Variants in CBL observed in about 807,000 individuals in gnomAD.
CBL encodes the protein E3 ubiquitin-protein ligase CBL.
Under a neutral mutation model 96.9 loss-of-function variants are expected in CBL, and 45 were observed. The observed-to-expected ratio is 0.46, with a 90% confidence interval of 0.37 to 0.60. The LOEUF is 0.60. CBL is among the 20% of genes least tolerant of loss of function. The pLI is 0.00. For synonymous variants in CBL, 420 were observed against 426.8 expected (o/e 0.98, Z 0.20); for missense variants, 1,024 against 1,143.5 (o/e 0.90, Z 1.51).
intron 1 of CBL, among the ~76,000 whole-genome samples, chr11:119,209,535 C>A (rs918699425): frequency 6.6e-6 from 1 of 152,062 alleles, no homozygotes. Context: ...AGGAGAATCC[C>A]TTGAACCTGG....
chr11:119,212,459 C>G (rs1413236012), intron 1 of CBL, among the ~76,000 whole-genome samples: 1 of 150,604 alleles, frequency 6.6e-6, no homozygotes, highest in African/African-American at 2.4e-5. Context: ...AACCCTGTCT[C>G]TACTAAAAAT....
At chr11:119,207,158 A>G (rs1041918821) in intron 1 of CBL, among the ~76,000 whole-genome samples, 2 of 152,076 alleles carry the variant, frequency 1.3e-5, no homozygotes, top group Non-Finnish European at 2.9e-5. Flanking sequence ...TCTCATTAAG[A>G]TGTAACACGA....
chr11:119,228,840 C>T (rs1448758640), intron 1 of CBL, among the ~76,000 whole-genome samples: 1 of 148,474 alleles, frequency 6.7e-6, no homozygotes, highest in Non-Finnish European at 1.5e-5. Context: ...GACGTGGTTT[C>T]GCTCTTGTCC....
At chr11:119,284,349 A>G (rs1025365482) in intron 9 of CBL, among the ~76,000 whole-genome samples, 2 of 151,862 alleles carry the variant, frequency 1.3e-5, no homozygotes, top group African/African-American at 2.4e-5. Context: ...TCTGTTGCCC[A>G]GGCTGGAGTA....
intron 1 of CBL, among the ~76,000 whole-genome samples, chr11:119,223,154 G>A (rs1343635577): frequency 4.0e-5 from 6 of 149,578 alleles, no homozygotes; most frequent in Non-Finnish European, 8.9e-5. Flanking sequence ...CTCCAGCCTG[G>A]GTGACAGAGC....
chr11:119,208,436 G>A (rs1263097970), intron 1 of CBL, among the ~76,000 whole-genome samples: 2 of 151,510 alleles, frequency 1.3e-5, no homozygotes, highest in Admixed American at 6.6e-5. Context: ...TGTTACCCAG[G>A]CTGGAGTGCA....
intron 1 of CBL, among the ~76,000 whole-genome samples, chr11:119,229,650 CAA>C: frequency 6.6e-6 from 1 of 151,764 alleles, no homozygotes; most frequent in Middle Eastern, 3.4e-3. Context: ...CTTAAGAAAA[CAA>C]GAGTTCAAGA....
Position 119,300,039 on chromosome 11 carries a change from T to A in CBL, c.*258T>A. On this transcript the variant is annotated 3_prime_UTR_variant, in exon 16 of 16. Transcript: ENST00000264033. ...CCACGTAGAGAGAGTGTGGATTATA[T>A]TACATGATAACCTACCTGGGGAACA... 1.7e-6 allele frequency: 1 copy of A among 585,034 alleles called. No homozygotes were observed. Among genetic ancestry groups the A allele is most frequent in the Non-Finnish European group, 3.0e-6 (1 of 328,188 alleles). The allele number at this position is 585,034 out of a possible 1,614,324, so 36.2% of individuals were successfully genotyped here.
Position 119,305,489 on chromosome 11 carries a change from C to T in CBL, c.*5708C>T. 1 of 230,952 alleles carries T rather than the reference C, an allele frequency of 4.3e-6. No homozygotes were observed. Among genetic ancestry groups the T allele is most frequent in the Non-Finnish European group, 8.6e-6 (1 of 116,636 alleles). The allele number at this position is 230,952 out of a possible 1,614,324, so 14.3% of individuals were successfully genotyped here. ...TTCATTCTCTGGGCTTGTGGCCTGT[C>T]TCCTCCACTCTCCTCCTCACCCTCT... On this transcript the variant is annotated 3_prime_UTR_variant, in exon 16 of 16. Coordinates refer to ENST00000264033, the MANE Select transcript of CBL (RefSeq NM_005188.4).
intron 3 of CBL, among the ~76,000 whole-genome samples, chr11:119,272,430 C>G (rs1482603760): frequency 6.6e-6 from 1 of 152,222 alleles, no homozygotes; most frequent in Non-Finnish European, 1.5e-5. Context: ...CCATTCTGCT[C>G]TTAATGGACA....
intron 2 of CBL, among the ~76,000 whole-genome samples, chr11:119,238,438 G>C (rs1949561316): frequency 6.6e-6 from 1 of 151,528 alleles, no homozygotes; most frequent in African/African-American, 2.4e-5. Context: ...TCGAACTCCT[G>C]GCCTCATGTG....
intron 4 of CBL, 75 bp downstream of exon 4, chr11:119,274,099 A>G: frequency 2.0e-6 from 2 of 994,602 alleles, no homozygotes; most frequent in East Asian, 2.5e-5. Context: ...TTTTTTTTTT[A>G]AATAACATTT....
intron 2 of CBL, among the ~76,000 whole-genome samples, chr11:119,245,086 G>A (rs866583131): frequency 6.6e-6 from 1 of 151,602 alleles, no homozygotes; most frequent in East Asian, 1.9e-4. Flanking sequence ...TGCCCAGGCT[G>A]GTCTTGAATG....
At chr11:119,221,353 AC>A (rs1039206352) in intron 1 of CBL, among the ~76,000 whole-genome samples, 2 of 152,034 alleles carry the variant, frequency 1.3e-5, no homozygotes, top group African/African-American at 4.8e-5. Flanking sequence ...GGAGTTCAAG[AC>A]CAGTCTAGGC....
At chr11:119,298,641 T>C (rs1243203227) in intron 15 of CBL, 101 bp downstream of exon 15, 2 of 1,026,214 alleles carry the variant, frequency 1.9e-6, no homozygotes, top group East Asian at 2.4e-5. Flanking sequence ...TAAGTCAGTA[T>C]GTAGGCTAAA....
At chr11:119,214,604 A>G (rs1949343102) in intron 1 of CBL, among the ~76,000 whole-genome samples, 8 of 152,192 alleles carry the variant, frequency 5.3e-5, no homozygotes, top group Admixed American at 5.2e-4. Flanking sequence ...TTATTCAATC[A>G]AATATCTGTT....
At chr11:119,251,976 A>T (rs1354424126) in intron 2 of CBL, among the ~76,000 whole-genome samples, 1 of 152,216 alleles carries the variant, frequency 6.6e-6, no homozygotes, top group Non-Finnish European at 1.5e-5. Context: ...AAGCCAACAA[A>T]TGCCTGCTAG....
chr11:119,256,710 C>G (rs568878100), intron 2 of CBL, among the ~76,000 whole-genome samples: 1 of 150,676 alleles, frequency 6.6e-6, no homozygotes, highest in African/African-American at 2.4e-5. Flanking sequence ...TTAATCCCTC[C>G]CTGCCCTCCC....
intron 2 of CBL, among the ~76,000 whole-genome samples, chr11:119,251,644 G>A (rs1949670462): frequency 6.6e-6 from 1 of 152,150 alleles, no homozygotes; most frequent in Non-Finnish European, 1.5e-5. Flanking sequence ...CACATAACGA[G>A]AGTTTCACTC....
Sources: allele counts gnomAD v4.1 joint callset (sites outside exome capture counted in the v4.1 genomes callset), GRCh38; gene constraint gnomAD v4.1.1; transcripts MANE v1.5; gene names NCBI Gene and HGNC (gene_info 2026-07-23, HGNC 2026-07-21).